STK24: variants seen among roughly 807,000 people sequenced by gnomAD.
The protein encoded by STK24 is serine/threonine kinase 24.
A neutral mutation model predicts 55.6 loss-of-function variants in STK24; 21 were observed. That is an observed-to-expected ratio of 0.38 (90% CI 0.27 to 0.54). The LOEUF is 0.54. Ranked by LOEUF, STK24 falls within the 20% of genes least tolerant of loss-of-function variation. STK24 has a pLI of 0.79. For missense variants in STK24, 383 were observed against 538.4 expected, an observed-to-expected ratio of 0.71 and a Z score of 2.86; for synonymous variants, 200 against 215.2, an observed-to-expected ratio of 0.93 and a Z score of 0.62.
intron 1 of STK24, among the ~76,000 whole-genome samples, chr13:98,528,316 C>T (rs573880077): frequency 8.5e-5 from 13 of 152,186 alleles, no homozygotes; most frequent in South Asian, 2.1e-4. Context: ...ACTGATTCTG[C>T]GCTCAATGAG....
Position 98,448,424 on chromosome 13 carries a change from CAT to C in STK24, c.*4747_*4748del. ...TTAACACCTGTCTGAAAATCAAAAA[CAT>C]GGCTTCCCAGCAGCTCTCCTGTCTC... is the stretch of plus-strand genomic sequence containing the variant. On this transcript the variant is annotated 3_prime_UTR_variant, in exon 11 of 11. Coordinates refer to ENST00000539966, the MANE Select transcript of STK24 (RefSeq NM_001032296.4). 1 of 915,412 alleles carries C rather than the reference CAT, an allele frequency of 1.1e-6. No homozygotes were observed. Among genetic ancestry groups the C allele is most frequent in the South Asian group, 1.4e-5 (1 of 69,292 alleles). 56.7% of individuals were successfully genotyped at this position (915,412 alleles called of 1,614,324 possible). A position where few individuals can be genotyped will look rare whatever the true frequency, so the allele number is the denominator to read the frequency against.
chr13:98,573,808 T>C (rs1476387233), intron 1 of STK24, among the ~76,000 whole-genome samples: 1 of 152,196 alleles, frequency 6.6e-6, no homozygotes, highest in African/African-American at 2.4e-5. Context: ...TAATATATGA[T>C]CTCACCTTGG....
intron 8 of STK24, among the ~76,000 whole-genome samples, chr13:98,461,529 A>G (rs1022116398): frequency 1.6e-4 from 24 of 152,120 alleles, no homozygotes; most frequent in African/African-American, 5.3e-4. Flanking sequence ...TCCTAACTCA[A>G]CAGCAGGGCT....
chr13:98,461,647 G>T, intron 8 of STK24, 127 bp downstream of exon 8: 1 of 1,336,298 alleles, frequency 7.5e-7, no homozygotes. Flanking sequence ...CCATCCCCTA[G>T]CAACAAAATT....
intron 1 of STK24, among the ~76,000 whole-genome samples, chr13:98,522,694 G>T (rs1433144151): frequency 6.6e-6 from 1 of 152,220 alleles, no homozygotes; most frequent in Non-Finnish European, 1.5e-5. Flanking sequence ...CCTTTGCTCA[G>T]CTGCAAGCTG....
At chr13:98,491,643 GATTT>G in intron 2 of STK24, among the ~76,000 whole-genome samples, 1 of 144,702 alleles carries the variant, frequency 6.9e-6, no homozygotes, top group East Asian at 2.0e-4. Flanking sequence ...TCCAGCCAAA[GATTT>G]ATTTCAAGGA....
At chr13:98,542,416 G>A (rs1028102185) in intron 1 of STK24, among the ~76,000 whole-genome samples, 1 of 151,910 alleles carries the variant, frequency 6.6e-6, no homozygotes, top group Non-Finnish European at 1.5e-5. Context: ...ACGGCCAATT[G>A]GTAGGTTCCA....
At chr13:98,489,389 G>A (rs1355015063) in intron 2 of STK24, among the ~76,000 whole-genome samples, 1 of 152,212 alleles carries the variant, frequency 6.6e-6, no homozygotes, top group Non-Finnish European at 1.5e-5. Context: ...TCCTGAGCTG[G>A]AAAAGCTTAT....
At chr13:98,549,502 A>G (rs544964449) in intron 1 of STK24, among the ~76,000 whole-genome samples, 2 of 152,288 alleles carry the variant, frequency 1.3e-5, no homozygotes, top group Admixed American at 1.3e-4. Context: ...ATGGGGGTGG[A>G]TCCCTCGCGG....
chr13:98,465,519 C>T (rs1403465176), intron 6 of STK24, among the ~76,000 whole-genome samples: 1 of 152,222 alleles, frequency 6.6e-6, no homozygotes, highest in African/African-American at 2.4e-5. Flanking sequence ...GGACAAGCCC[C>T]ACCACCACCC....
chr13:98,464,868 C>A (rs1330777864), intron 6 of STK24, among the ~76,000 whole-genome samples: 2 of 152,180 alleles, frequency 1.3e-5, no homozygotes, highest in Non-Finnish European at 2.9e-5. Context: ...TTGGAATTAT[C>A]TCAGAGAAAC....
chr13:98,576,924 G>A lies in STK24; in HGVS notation c.-138C>T, dbSNP rs1897917572. 1 of 392,018 alleles carries A rather than the reference G, an allele frequency of 2.6e-6. No individual in the cohort carries two copies. The highest frequency in any genetic ancestry group is 3.4e-6 in the Non-Finnish European group (1 of 290,500). The allele number at this position is 392,018 out of a possible 1,614,324, so 24.3% of individuals were successfully genotyped here. On this transcript the variant is annotated 5_prime_UTR_variant, in exon 1 of 11. Transcript: ENST00000539966. The stretch of plus-strand genomic sequence containing the variant: ...CCCGAGGCCACCCCAGCCCTGGCGG[G>A]TCCCGGCCGGGCGGCGGGGGCTCAG...
chr13:98,498,618 T>C (rs1895334210), intron 2 of STK24, among the ~76,000 whole-genome samples: 1 of 152,196 alleles, frequency 6.6e-6, no homozygotes, highest in Non-Finnish European at 1.5e-5. Context: ...TGAGGACCTC[T>C]AGGGCTGGAC....
chr13:98,564,372 C>T (rs995185994), intron 1 of STK24, among the ~76,000 whole-genome samples: 4 of 152,212 alleles, frequency 2.6e-5, no homozygotes, highest in African/African-American at 9.6e-5. Flanking sequence ...GGGGCTTCCC[C>T]TTACGAGGGC....
rs145273351 is a variant in STK24 at position 98,555,187 on chromosome 13, C to T, written c.42+21558G>A. On this transcript the variant is annotated intron_variant, in intron 1 of 10. Transcript: ENST00000539966. ...CATGACCTGCTCTTTACAGAGTGAA[C>T]GCTGAGCTCATGCCATCCCTTTTCC... Among the ~76,000 whole-genome samples, 458 of 152,220 alleles carry T rather than the reference C, an allele frequency of 3.0e-3. 2 individuals carry two copies. The highest frequency in any genetic ancestry group is 3.6e-3 in the Non-Finnish European group (246 of 68,010).
intron 1 of STK24, among the ~76,000 whole-genome samples, chr13:98,522,634 T>C (rs1896304309): frequency 1.3e-5 from 2 of 152,176 alleles, no homozygotes; most frequent in African/African-American, 4.8e-5. Context: ...AATTTGCCAC[T>C]TCCCCTGCTG....
chr13:98,576,682 ACCGCCAAGTTGCTGCTT>A (rs916307179), intron 1 of STK24, 46 bp downstream of exon 1: 9 of 1,368,546 alleles, frequency 6.6e-6, no homozygotes, highest in Non-Finnish European at 7.8e-6. Flanking sequence ...CCGTGTGGAT[ACCGCCAAGTTGCTGCTT>A]CCGCCCCGGT....
intron 1 of STK24, among the ~76,000 whole-genome samples, chr13:98,525,011 CGGGGCAAT>C (rs1896382852): frequency 6.6e-6 from 1 of 152,232 alleles, no homozygotes; most frequent in African/African-American, 2.4e-5. Context: ...CTGCTGAGGC[CGGGGCAAT>C]GGGGCACTCA....
intron 1 of STK24, among the ~76,000 whole-genome samples, chr13:98,562,349 A>T (rs1897445994): frequency 6.6e-6 from 1 of 152,156 alleles, no homozygotes; most frequent in Non-Finnish European, 1.5e-5. Context: ...TTTATAGACC[A>T]TGTACGCATA....
Sources: allele counts gnomAD v4.1 joint callset (sites outside exome capture counted in the v4.1 genomes callset), GRCh38; gene constraint gnomAD v4.1.1; transcripts MANE v1.5; gene names NCBI Gene and HGNC (gene_info 2026-07-23, HGNC 2026-07-21).